DNAH17: variants seen among roughly 807,000 people sequenced by gnomAD.
DNAH17 encodes dynein axonemal heavy chain 17, also known as axonemal beta dynein heavy chain 17.
Under a neutral mutation model 485.6 loss-of-function variants are expected in DNAH17, and 376 were observed. The observed-to-expected ratio is 0.77, with a 90% CI of 0.71 to 0.84. The LOEUF (loss-of-function observed/expected upper bound fraction) is 0.84. Among genes scored for constraint, DNAH17 ranks in the 40% least tolerant of loss-of-function variants. DNAH17 has a pLI of 0.00. For synonymous variants in DNAH17, 3,031 were observed against 2,405.9 expected, an observed-to-expected ratio of 1.26 and a Z score of -7.60; for missense variants, 6,370 against 5,839.3, an observed-to-expected ratio of 1.09 and a Z score of -2.96.
intron 55 of DNAH17, among the ~76,000 whole-genome samples, chr17:78,467,664 C>G (rs1438087324): frequency 6.6e-6 from 1 of 152,148 alleles, no homozygotes; most frequent in Non-Finnish European, 1.5e-5. Flanking sequence ...CCACTGAACT[C>G]TGGAGAGGAC....
chr17:78,430,154 G>A (rs1420075814), intron 75 of DNAH17, among the ~76,000 whole-genome samples: 1 of 152,210 alleles, frequency 6.6e-6, no homozygotes, highest in Non-Finnish European at 1.5e-5. Context: ...CCAGGCCCTT[G>A]TTCTTCCCGC....
intron 44 of DNAH17, 44 bp from the exon 45 acceptor site, chr17:78,486,550 G>A (rs369334822): frequency 3.2e-5 from 49 of 1,554,670 alleles, no homozygotes; most frequent in Non-Finnish European, 4.2e-5. Context: ...GCTGCTCTGG[G>A]TCTGCCAGTG....
At position 78,427,021 on chromosome 17, in the gene DNAH17, G is replaced by C. The variant is rs1162604944; in HGVS notation, c.12676C>G (p.Pro4226Ala). Residue 4226 changes from proline (P) to alanine (A), a missense_variant, in exon 78 of 81, where the codon CCC becomes GCC. Transcript: ENST00000389840. The part of the protein sequence containing the change: ...EIMAKAAEKT[P>A]YVVVAFQECE... ...TCTTGAAAGGCGACTACCACGTAGG[G>C]GGTCTTTTCCGCTGCCTTTGCCATG... 6.2e-7 allele frequency: 1 copy of C among 1,608,172 alleles called. No homozygotes were observed. Among genetic ancestry groups the C allele is most frequent in the Non-Finnish European group, 8.5e-7 (1 of 1,177,446 alleles).
rs1410067037 is a variant in DNAH17 at position 78,426,448 on chromosome 17, G to T, written c.12915+9C>A. On this transcript the variant is annotated intron_variant, in intron 79 of 80. Coordinates refer to ENST00000389840, the MANE Select transcript of DNAH17 (RefSeq NM_173628.4). ...TCTTAGGAAGCCTCTCAGAGAAAAC[G>T]GCACTTACCCTGATGCGGAGCAGCA... 6.3e-7 allele frequency: 1 copy of T among 1,585,178 alleles called. No homozygotes were observed. The highest frequency in any genetic ancestry group is 8.6e-7 in the Non-Finnish European group (1 of 1,164,928).
intron 58 of DNAH17, among the ~76,000 whole-genome samples, chr17:78,461,123 G>C (rs1482557541): frequency 1.3e-5 from 2 of 151,932 alleles, no homozygotes; most frequent in Non-Finnish European, 2.9e-5. Context: ...ACCCTCTCGG[G>C]GGGGGCCCGG....
At chr17:78,450,596 T>C (rs1391790371) in intron 67 of DNAH17, 86 bp downstream of exon 67, 25 of 1,509,660 alleles carry the variant, frequency 1.7e-5, no homozygotes, top group South Asian at 2.5e-5. Flanking sequence ...GCTTTTCTCC[T>C]TTCTCATGGT....
chr17:78,430,164 C>A (rs2086623905), intron 75 of DNAH17, among the ~76,000 whole-genome samples: 1 of 152,228 alleles, frequency 6.6e-6, no homozygotes, highest in Non-Finnish European at 1.5e-5. Context: ...GTTCTTCCCG[C>A]CTCCATGTGC....
chr17:78,521,034 A>G (rs1238216720), intron 25 of DNAH17, among the ~76,000 whole-genome samples: 1 of 152,202 alleles, frequency 6.6e-6, no homozygotes, highest in Non-Finnish European at 1.5e-5. Context: ...ACGAAGACCA[A>G]TGGAACAGAG....
In DNAH17 at chr17:78,485,581, G is replaced by T. The variant is rs767821470; in HGVS notation, c.7452C>A (p.Phe2484Leu). Residue 2484 changes from phenylalanine to leucine, a missense_variant, in exon 47 of 81, where the codon TTC becomes TTA. Transcript: ENST00000389840. ...GCATGGCTGAGGTCGTGTAGAAGTT[G>T]AAGGGCACAGCCTGCACCAGGTAGT... ...TDNYLVQAVPFNFYTTSAMLQ... is the reference protein window; with the variant it reads ...TDNYLVQAVPLNFYTTSAMLQ... 3 of 1,613,446 alleles carry T rather than the reference G, an allele frequency of 1.9e-6. No homozygotes were observed. The East Asian group carries it at 6.7e-5, about 36-fold the overall frequency.
chr17:78,553,861 T>C (rs918339016), intron 14 of DNAH17, among the ~76,000 whole-genome samples: 1 of 152,234 alleles, frequency 6.6e-6, no homozygotes, highest in African/African-American at 2.4e-5. Flanking sequence ...CACAAAGGTT[T>C]GTACTTGATT....
chr17:78,493,954 G>T, intron 41 of DNAH17, 82 bp downstream of exon 41: 1 of 1,501,196 alleles, frequency 6.7e-7, no homozygotes. Flanking sequence ...GGGTGGCGGG[G>T]AGTGATGGAG....
At chr17:78,491,644 G>C in intron 42 of DNAH17, 74 bp from the exon 43 acceptor site, 1 of 1,538,954 alleles carries the variant, frequency 6.5e-7, no homozygotes, top group South Asian at 1.2e-5. Flanking sequence ...TCCTGACCCT[G>C]GCCTCTCTCT....
rs947837437 is a variant in DNAH17, at chr17:78,502,629, C to T, written c.5152G>A (p.Gly1718Ser). The change falls in exon 33 of 81, where the codon GGC becomes AGC. Residue 1718 changes from glycine (G) to serine (S), a missense_variant. Coordinates refer to ENST00000389840, the MANE Select transcript of DNAH17 (RefSeq NM_173628.4). ...VGLAFARLEE[G>S]YENAIRDYNK... is the part of the protein sequence containing the mutation. Reference sequence around the variant, plus strand: ...TAATCTCTGATAGCGTTTTCATAGCCTTCCTCCAGCCTGGCAAATGCCAGG... The same window carrying T: ...TAATCTCTGATAGCGTTTTCATAGCTTTCCTCCAGCCTGGCAAATGCCAGG... 1.9e-6 allele frequency: 3 copies of T among 1,613,234 alleles called. No individual in the cohort carries two copies. Among genetic ancestry groups the T allele is most frequent in the African/African-American group, 2.7e-5 (2 of 74,942 alleles).
chr17:78,455,817 A>T lies in DNAH17; in HGVS notation c.9997T>A (p.Ser3333Thr). ...LANRLVGGLA[S>T]ENIRWAESVE... The stretch of plus-strand genomic sequence containing the variant: ...GACTCAGCCCAGCGGATGTTTTCCG[A>T]TGCTAATCCCCCGACCAGCCTAAAG... The change falls in exon 63 of 81, where the codon TCG (serine) becomes ACG (threonine). Residue 3333 changes from serine (S) to threonine (T), a missense_variant. Coordinates refer to ENST00000389840, the MANE Select transcript of DNAH17 (RefSeq NM_173628.4). The T allele has an allele frequency of 6.2e-7, 1 of 1,605,372 alleles. No homozygotes were observed. Among genetic ancestry groups the T allele is most frequent in the South Asian group, 1.1e-5 (1 of 89,976 alleles).
chr17:78,570,582 G>A (rs1049710547), intron 6 of DNAH17, among the ~76,000 whole-genome samples: 8 of 152,170 alleles, frequency 5.3e-5, no homozygotes, highest in South Asian at 2.1e-4. Flanking sequence ...GACCCAGGCC[G>A]GGCGTGGTGG....
rs564430754 is a variant in DNAH17 at position 78,569,362 on chromosome 17, G to A, written c.1197+13C>T. ...CGTCCTGCCTTGGCCCTCGCCCTGC[G>A]AGGAAGGGGTACCTTAAAGAAAAGC... On this transcript the variant is annotated intron_variant, in intron 8 of 80. Transcript: ENST00000389840. 83 of 1,612,234 alleles carry A rather than the reference G, an allele frequency of 5.1e-5. No individual in the cohort carries two copies. Among genetic ancestry groups the A allele is most frequent in the African/African-American group, 6.7e-5 (5 of 74,920 alleles).
At position 78,463,399 on chromosome 17, in the gene DNAH17, T is replaced by A. The variant is rs527947942; in HGVS notation, c.8941-322A>T. On this transcript the variant is annotated intron_variant, in intron 56 of 80. Transcript: ENST00000389840. ...ATTCACATACCTGCATATATACGCG[T>A]GCACACGCATTCACATACCTGCATA... is the stretch of plus-strand genomic sequence containing the variant. Among the ~76,000 whole-genome samples the A allele has an allele frequency of 3.3e-5, 5 of 152,376 alleles. No individual in the cohort carries two copies. The East Asian group carries it at 9.6e-4, about 29-fold the overall frequency.
Position 78,503,481 on chromosome 17 carries a change from G to A in DNAH17, c.4957-470C>T, listed in dbSNP as rs117113808. On this transcript the variant is annotated intron_variant, in intron 31 of 80. Transcript: ENST00000389840. ...ATTACAGGCATGAGCCACCACGCTC[G>A]GCCACATATTTTCTTCTTAAATTGA... 2.1e-3 allele frequency among the ~76,000 whole-genome samples: 323 copies of A among 151,600 alleles called. 2 individuals carry two copies. The highest frequency in any genetic ancestry group is 0.012 in the East Asian group (59 of 5,110).
In DNAH17 at chr17:78,492,385, G is replaced by A. The variant is rs532296275; in HGVS notation, c.6541+248C>T. On this transcript the variant is annotated intron_variant, in intron 42 of 80. Transcript: ENST00000389840. ...TCTGCCCTCTCCCCTTGGCCTGCTC[G>A]GGGCAGGCCTGCAGTCCTCACCGTC... Among the ~76,000 whole-genome samples, 10 of 152,200 alleles carry A rather than the reference G, an allele frequency of 6.6e-5. No homozygotes were observed. In the East Asian group the frequency reaches 1.4e-3, roughly 21 times the overall value.
Sources: allele counts gnomAD v4.1 joint callset (sites outside exome capture counted in the v4.1 genomes callset), GRCh38; gene constraint gnomAD v4.1.1; transcripts MANE v1.5; gene names NCBI Gene and HGNC (gene_info 2026-07-23, HGNC 2026-07-21).